The following CLEC4C variants were observed in gnomAD, a reference collection of about 807,000 sequenced individuals.
CLEC4C encodes C-type (calcium dependent, carbohydrate-recognition domain) lectin, superfamily member 11.
In CLEC4C, 17 loss-of-function variants were observed where a neutral mutation model predicts 27.7. The ratio of observed to expected loss-of-function variants is 0.61; its 90% CI spans 0.42 to 0.92. The LOEUF (loss-of-function observed/expected upper bound fraction) is 0.92. Among genes scored for constraint, CLEC4C ranks in the 40% least tolerant of loss-of-function variants. The probability of loss-of-function intolerance (pLI) is 0.00; values close to 1 mark genes in which losing one functional copy is unlikely to be tolerated. For synonymous variants in CLEC4C, 80 were observed against 80.8 expected, an observed-to-expected ratio of 0.99 and a Z score of 0.06; for missense variants, 244 against 257.3, an observed-to-expected ratio of 0.95 and a Z score of 0.35.
Position 7,746,371 on chromosome 12 carries a change from G to T in CLEC4C, c.84C>A (p.Ser28=). ...QLKVWSMAVV[S]ILLLSVCFTV... ...TGAAACAGACACTGAGGAGCAAGAT[G>T]GATACGACTGCCATGGACCAGACCT... Residue 28 remains serine, a synonymous_variant, in exon 2 of 6, where the codon TCC becomes TCA. Transcript: ENST00000360345. The T allele has an allele frequency of 6.2e-7, 1 of 1,613,852 alleles. No individual in the cohort carries two copies. The highest frequency in any genetic ancestry group is 1.1e-5 in the South Asian group (1 of 91,062).
At chr12:7,739,223 C>T (rs1310023652) in intron 3 of CLEC4C, among the ~76,000 whole-genome samples, 1 of 151,910 alleles carries the variant, frequency 6.6e-6, no homozygotes, top group Non-Finnish European at 1.5e-5. Context: ...AGCAATTCTC[C>T]TGCCTCAGCC....
Position 7,734,085 on chromosome 12 carries a change from G to T in CLEC4C, c.382-3173C>A, listed in dbSNP as rs779012246. ...AAATAATGTTGTACAAACAAGAAAA[G>T]ATATTTTGACATAGGTTTTCAGATT... On this transcript the variant is annotated intron_variant, in intron 4 of 5. Transcript: ENST00000360345. Among the ~76,000 whole-genome samples the T allele has an allele frequency of 1.9e-3, 282 of 151,874 alleles. 2 individuals carry two copies. Among genetic ancestry groups the T allele is most frequent in the African/African-American group, 6.5e-3 (268 of 41,310 alleles).
At chr12:7,731,947 CTG>C (rs1864604915) in intron 4 of CLEC4C, among the ~76,000 whole-genome samples, 1 of 152,140 alleles carries the variant, frequency 6.6e-6, no homozygotes, top group Non-Finnish European at 1.5e-5. Flanking sequence ...GAATGAGACT[CTG>C]TGTCCAAAAA....
chr12:7,747,403 G>GT (rs984129336), upstream of CLEC4C: 4 of 1,564,578 alleles, frequency 2.6e-6, no homozygotes, highest in African/African-American at 5.4e-5. Flanking sequence ...AGAAGCTCTT[G>GT]TATCACTTTC....
At chr12:7,735,401 G>C (rs899527411) in intron 4 of CLEC4C, among the ~76,000 whole-genome samples, 2 of 150,574 alleles carry the variant, frequency 1.3e-5, no homozygotes, top group African/African-American at 4.9e-5. Flanking sequence ...TATTCAGGAG[G>C]CTGAGACAGG....
intron 4 of CLEC4C, among the ~76,000 whole-genome samples, chr12:7,732,350 AT>A (rs143167180): frequency 0.085 from 11,588 of 136,062 alleles, 618 homozygotes; most frequent in Middle Eastern, 0.25. Flanking sequence ...TTATTTTTTT[AT>A]TTTTTTTATT....
chr12:7,734,735 G>A (rs1253782817), intron 4 of CLEC4C, among the ~76,000 whole-genome samples: 1 of 151,614 alleles, frequency 6.6e-6, no homozygotes, highest in Non-Finnish European at 1.5e-5. Context: ...TTTTAGTAGA[G>A]AAGGGTTTCG....
chr12:7,729,914 C>T (rs1018819134), intron 5 of CLEC4C, among the ~76,000 whole-genome samples, 174 bp from the exon 6 acceptor site: 1 of 152,174 alleles, frequency 6.6e-6, no homozygotes, highest in Non-Finnish European at 1.5e-5. Context: ...GTTTCCTCTC[C>T]ACTTGTGTCT....
intron 4 of CLEC4C, among the ~76,000 whole-genome samples, chr12:7,731,610 A>G (rs1161069273): frequency 1.3e-5 from 2 of 152,222 alleles, no homozygotes; most frequent in Admixed American, 1.3e-4. Context: ...GCCCCTGTCC[A>G]GCAGCAGAGG....
upstream of CLEC4C, chr12:7,747,658 T>TTC (rs869288771): frequency 1.0e-5 from 3 of 293,354 alleles, no homozygotes; most frequent in South Asian, 5.6e-5. Flanking sequence ...TTTTTTTTTT[T>TTC]CTAGACAGGG....
At position 7,729,421 on chromosome 12, in the gene CLEC4C, TAAATGA is replaced by T; in HGVS notation, c.*169_*174del. The T allele has an allele frequency of 1.7e-6, 1 of 577,546 alleles. No homozygotes were observed. Among genetic ancestry groups the T allele is most frequent in the Non-Finnish European group, 3.0e-6 (1 of 332,786 alleles). The allele number at this position is 577,546 out of a possible 1,614,324, so 35.8% of individuals were successfully genotyped here. A position where few individuals can be genotyped will look rare whatever the true frequency, so the allele number is the denominator to read the frequency against. ...CTCATTTTATGAATGAATAAATGAA[TAAATGA>T]ATAAATGAATGTGTGAATGGATTAT... On this transcript the variant is annotated 3_prime_UTR_variant, in exon 6 of 6. Coordinates refer to ENST00000360345, the MANE Select transcript of CLEC4C (RefSeq NM_001371390.1).
At chr12:7,732,149 C>T (rs1231767398) in intron 4 of CLEC4C, among the ~76,000 whole-genome samples, 1 of 151,230 alleles carries the variant, frequency 6.6e-6, no homozygotes, top group Non-Finnish European at 1.5e-5. Context: ...CCTGCCGCAG[C>T]CTCCTAAGTA....
In CLEC4C at chr12:7,746,356, A is replaced by G. The variant is rs1450427352; in HGVS notation, c.99T>C (p.Ser33=). 1 of 1,613,590 alleles carries G rather than the reference A, an allele frequency of 6.2e-7. No individual in the cohort carries two copies. The highest frequency in any genetic ancestry group is 1.3e-5 in the African/African-American group (1 of 75,036). ...SMAVVSILLL[S]VCFTVSSVVP... The stretch of plus-strand genomic sequence containing the variant: ...CCACAGAACTCACAGTGAAACAGAC[A>G]CTGAGGAGCAAGATGGATACGACTG... Residue 33 remains serine (S), a synonymous_variant, in exon 2 of 6, where the codon AGT becomes AGC. Transcript: ENST00000360345.
intron 3 of CLEC4C, among the ~76,000 whole-genome samples, chr12:7,739,563 C>G (rs1032871959): frequency 6.6e-5 from 10 of 152,098 alleles, no homozygotes; most frequent in African/African-American, 2.4e-4. Context: ...TGGACACAGC[C>G]GACCAATTAT....
At chr12:7,740,680 G>A (rs543824445) in intron 3 of CLEC4C, among the ~76,000 whole-genome samples, 262 of 150,702 alleles carry the variant, frequency 1.7e-3, no homozygotes, top group Non-Finnish European at 2.6e-3. Context: ...CAGCCTGGGC[G>A]ACAGAGTGAG....
Position 7,747,341 on chromosome 12 carries a change from G to A in CLEC4C, c.8C>T (p.Pro3Leu). 6.2e-7 allele frequency: 1 copy of A among 1,614,036 alleles called. No individual in the cohort carries two copies. The highest frequency in any genetic ancestry group is 8.5e-7 in the Non-Finnish European group (1 of 1,180,002). The change falls in exon 1 of 6, where the codon CCT (proline) becomes CTT (leucine). Residue 3 changes from proline (P) to leucine (L), a missense_variant. Pro to Leu is a moderately conservative substitution (Grantham distance 98, BLOSUM62 -3). Transcript: ENST00000360345. MV[P>L]EEEPQDREKG... ...ACCTCGGTCTTGAGGCTCTTCTTCA[G>A]GCACCATTGTGTGTGCGCACACCCT...
intron 2 of CLEC4C, among the ~76,000 whole-genome samples, chr12:7,742,006 G>A (rs939016669): frequency 6.9e-6 from 1 of 144,660 alleles, no homozygotes; most frequent in Non-Finnish European, 1.6e-5. Flanking sequence ...GGACGACAGA[G>A]CAAGACTGTG....
chr12:7,746,840 T>C (rs1864994005), intron 1 of CLEC4C, among the ~76,000 whole-genome samples: 2 of 152,184 alleles, frequency 1.3e-5, no homozygotes. Context: ...TTTCTTTTTT[T>C]TGAGATGGAG....
intron 4 of CLEC4C, among the ~76,000 whole-genome samples, chr12:7,733,657 A>AT (rs1426314802): frequency 5.3e-5 from 8 of 151,026 alleles, no homozygotes; most frequent in Admixed American, 5.3e-4. Flanking sequence ...AATTTTTTGT[A>AT]TTTTTAGTAG....
Sources: allele counts gnomAD v4.1 joint callset (sites outside exome capture counted in the v4.1 genomes callset), GRCh38; gene constraint gnomAD v4.1.1; transcripts MANE v1.5; gene names NCBI Gene and HGNC (gene_info 2026-07-23, HGNC 2026-07-21).